OXSM: variants seen among roughly 807,000 people sequenced by gnomAD.
OXSM encodes the protein 3-oxoacyl-ACP synthase, mitochondrial, also known as 3-oxoacyl-[acyl-carrier-protein] synthase, mitochondrial.
In OXSM, 19 loss-of-function variants were observed where a neutral mutation model predicts 29.2. That is an observed-to-expected ratio of 0.65 (90% confidence interval 0.45 to 0.96). OXSM has a LOEUF of 0.96. Among genes scored for constraint, OXSM ranks in the 40% least tolerant of loss-of-function variants. The pLI, the probability that OXSM is intolerant of heterozygous loss-of-function variation, is 0.00. For missense variants in OXSM, 554 were observed against 551.3 expected, an observed-to-expected ratio of 1.00 and a Z score of -0.05; for synonymous variants, 178 against 197.1, an observed-to-expected ratio of 0.90 and a Z score of 0.81.
At chr3:25,790,525 C>T (rs1230771202) in intron 1 of OXSM, 1 of 162,844 alleles carries the variant, frequency 6.1e-6, no homozygotes. Context: ...GCTCTTGGCC[C>T]TGGGTAGCGT....
intron 2 of OXSM, among the ~76,000 whole-genome samples, chr3:25,793,098 A>G (rs1250449326): frequency 6.6e-6 from 1 of 151,428 alleles, no homozygotes; most frequent in Non-Finnish European, 1.5e-5. Context: ...CCCCTAAATT[A>G]TACATTTGAA....
At position 25,790,991 on chromosome 3, in the gene OXSM, A is replaced by T. The variant is rs781267866; in HGVS notation, c.-30A>T. ...TAGGTGTGTTGTGGTCTTTTACAGG[A>T]ATGTGTTTCTGATCATCTGAATCTT... is the stretch of plus-strand genomic sequence containing the variant. On this transcript the variant is annotated splice_region_variant and 5_prime_UTR_variant, in exon 2 of 3. Transcript: ENST00000280701. 4.4e-6 allele frequency: 7 copies of T among 1,589,520 alleles called. 1 individual carries two copies. The South Asian group carries it at 8.0e-5, about 18-fold the overall frequency.
Sources: allele counts gnomAD v4.1 joint callset (sites outside exome capture counted in the v4.1 genomes callset), GRCh38; gene constraint gnomAD v4.1.1; transcripts MANE v1.5; gene names NCBI Gene and HGNC (gene_info 2026-07-23, HGNC 2026-07-21).